Variants in DSCAM observed in about 807,000 individuals in gnomAD.
DSCAM encodes the protein DS cell adhesion molecule.
In DSCAM, 47 loss-of-function variants were observed where a neutral mutation model predicts 217.7. The ratio of observed to expected loss-of-function variants is 0.22; its 90% CI spans 0.17 to 0.28. The LOEUF is 0.28. Among genes scored for constraint, DSCAM ranks in the 10% least tolerant of loss-of-function variants. DSCAM has a pLI of 1.00. For synonymous variants in DSCAM, 1,056 were observed against 1,015.3 expected (o/e 1.04, Z -0.76); for missense variants, 2,080 against 2,618.3 (o/e 0.79, Z 4.49).
intron 11 of DSCAM, among the ~76,000 whole-genome samples, chr21:40,267,642 A>G (rs758390089): frequency 6.6e-6 from 1 of 152,222 alleles, no homozygotes; most frequent in Non-Finnish European, 1.5e-5. Flanking sequence ...TACACCTGTA[A>G]TCCCAACATT....
At chr21:40,447,491 A>G (rs1001357968) in intron 3 of DSCAM, among the ~76,000 whole-genome samples, 10 of 152,234 alleles carry the variant, frequency 6.6e-5, no homozygotes, top group African/African-American at 2.4e-4. Flanking sequence ...AGTGTGTAAG[A>G]GTAACCTATG....
intron 1 of DSCAM, among the ~76,000 whole-genome samples, chr21:40,810,198 C>T (rs928720593): frequency 4.6e-5 from 7 of 152,208 alleles, no homozygotes; most frequent in Non-Finnish European, 1.0e-4. Context: ...CAAACATAGC[C>T]TTCACCCTGA....
intron 11 of DSCAM, among the ~76,000 whole-genome samples, chr21:40,257,280 A>G (rs942153127): frequency 1.1e-4 from 16 of 152,222 alleles, no homozygotes; most frequent in Non-Finnish European, 2.1e-4. Flanking sequence ...GGTGCCATCT[A>G]GACTACATAT....
chr21:40,626,101 T>G (rs370796781), intron 3 of DSCAM, among the ~76,000 whole-genome samples: 2 of 152,096 alleles, frequency 1.3e-5, no homozygotes, highest in African/African-American at 4.8e-5. Flanking sequence ...AAAATTAATA[T>G]AAGACCGATT....
At chr21:40,072,701 G>A (rs1001186340) in intron 27 of DSCAM, among the ~76,000 whole-genome samples, 4 of 152,128 alleles carry the variant, frequency 2.6e-5, no homozygotes, top group African/African-American at 9.7e-5. Context: ...TGTACAAAAT[G>A]CCGAACTGCA....
At chr21:40,573,023 A>C (rs1368022435) in intron 3 of DSCAM, among the ~76,000 whole-genome samples, 1 of 152,234 alleles carries the variant, frequency 6.6e-6, no homozygotes, top group East Asian at 1.9e-4. Context: ...ATTCCCCAGC[A>C]AATCATAATG....
intron 26 of DSCAM, 125 bp from the exon 27 acceptor site, chr21:40,075,338 A>G (rs1475367199): frequency 9.7e-7 from 1 of 1,033,178 alleles, no homozygotes; most frequent in East Asian, 2.6e-5. Context: ...GAGAAATGAA[A>G]AGAACTCTGT....
chr21:40,361,734 C>A (rs1331447639), intron 4 of DSCAM, among the ~76,000 whole-genome samples: 1 of 152,182 alleles, frequency 6.6e-6, no homozygotes, highest in Non-Finnish European at 1.5e-5. Flanking sequence ...TGTTACATAA[C>A]CACAGTCAGT....
At chr21:40,316,540 G>T (rs550158140) in intron 8 of DSCAM, among the ~76,000 whole-genome samples, 2 of 152,256 alleles carry the variant, frequency 1.3e-5, no homozygotes, top group East Asian at 3.9e-4. Context: ...GAGACACACT[G>T]ATTACCTGAT....
In DSCAM at chr21:40,616,882, T is replaced by G. The variant is rs1331379951; in HGVS notation, c.508+75928A>C. ...AATACAAAAAATTAGCCGGGCGTAG[T>G]GGCGGGCGCCTGTAGTCCCAGCTAC... On this transcript the variant is annotated intron_variant, in intron 3 of 32. Coordinates refer to ENST00000400454, the MANE Select transcript of DSCAM (RefSeq NM_001389.5). Among the ~76,000 whole-genome samples, 14 of 150,948 alleles carry G rather than the reference T, an allele frequency of 9.3e-5. No individual in the cohort carries two copies. In the East Asian group the frequency reaches 2.4e-3, roughly 26 times the overall value.
chr21:40,482,020 G>A (rs987759934), intron 3 of DSCAM, among the ~76,000 whole-genome samples: 5 of 152,222 alleles, frequency 3.3e-5, no homozygotes, highest in Non-Finnish European at 5.9e-5. Flanking sequence ...AGAAGTGTCT[G>A]AAGTCACTAT....
intron 11 of DSCAM, among the ~76,000 whole-genome samples, chr21:40,265,983 G>A (rs752364079): frequency 3.3e-5 from 5 of 152,032 alleles, no homozygotes; most frequent in Admixed American, 6.6e-5. Flanking sequence ...AAAAGCAAAC[G>A]CAACAAAAGC....
intron 16 of DSCAM, among the ~76,000 whole-genome samples, chr21:40,158,228 C>A (rs750987445): frequency 6.6e-6 from 1 of 151,750 alleles, no homozygotes; most frequent in Non-Finnish European, 1.5e-5. Context: ...CTACAAAAAT[C>A]AAAAAGTTAA....
intron 3 of DSCAM, among the ~76,000 whole-genome samples, chr21:40,587,109 G>C (rs2076952399): frequency 6.6e-6 from 1 of 152,054 alleles, no homozygotes; most frequent in East Asian, 1.9e-4. Context: ...AAGGCTTTGG[G>C]AGCGAATTAA....
At chr21:40,125,265 T>C (rs1395720690) in intron 19 of DSCAM, among the ~76,000 whole-genome samples, 1 of 152,184 alleles carries the variant, frequency 6.6e-6, no homozygotes, top group East Asian at 1.9e-4. Flanking sequence ...CATGTCCCAC[T>C]CCTCTTGTTC....
At chr21:40,080,979 A>G (rs1235744426) in intron 24 of DSCAM, among the ~76,000 whole-genome samples, 2 of 152,230 alleles carry the variant, frequency 1.3e-5, no homozygotes, top group Non-Finnish European at 2.9e-5. Context: ...CACTCACTCC[A>G]TGCCAAGCCC....
intron 3 of DSCAM, among the ~76,000 whole-genome samples, chr21:40,603,925 CTTTTTTT>C (rs3070814): frequency 1.0e-5 from 1 of 97,322 alleles, no homozygotes; most frequent in Admixed American, 1.2e-4. Flanking sequence ...TTTTGCATTT[CTTTTTTT>C]TTTTTTTTTT....
chr21:40,444,194 C>G (rs1266766641), intron 3 of DSCAM, among the ~76,000 whole-genome samples: 2 of 151,968 alleles, frequency 1.3e-5, no homozygotes, highest in African/African-American at 4.8e-5. Flanking sequence ...AGATTGTGGC[C>G]AATCTATCAT....
intron 11 of DSCAM, among the ~76,000 whole-genome samples, chr21:40,273,185 A>G (rs1033099797): frequency 3.3e-5 from 5 of 152,096 alleles, no homozygotes; most frequent in African/African-American, 1.2e-4. Context: ...GTATTGGAAT[A>G]CTTATTTAGA....
Sources: allele counts gnomAD v4.1 joint callset (sites outside exome capture counted in the v4.1 genomes callset), GRCh38; gene constraint gnomAD v4.1.1; transcripts MANE v1.5; gene names NCBI Gene and HGNC (gene_info 2026-07-23, HGNC 2026-07-21).